Variants in DNAJC1 observed in about 807,000 individuals in gnomAD.
DNAJC1 encodes dnaJ homolog subfamily C member 1.
DNAJC1 carries 58 observed loss-of-function variants against 76.6 expected under a neutral mutation model. That is an observed-to-expected ratio of 0.76 (90% CI 0.61 to 0.94). DNAJC1 has a LOEUF of 0.94. Among genes scored for constraint, DNAJC1 ranks in the 40% least tolerant of loss-of-function variants. DNAJC1 has a pLI of 0.00. For missense variants in DNAJC1, 689 were observed against 677.3 expected (o/e 1.02, Z -0.19); for synonymous variants, 258 against 267.9 (o/e 0.96, Z 0.36).
intron 9 of DNAJC1, among the ~76,000 whole-genome samples, chr10:21,789,364 T>C (rs1182108703): frequency 6.6e-6 from 1 of 152,174 alleles, no homozygotes; most frequent in Non-Finnish European, 1.5e-5. Context: ...AAGACCCAAC[T>C]GCAGGTGAAA....
At chr10:21,840,021 T>C (rs1353244305) in intron 8 of DNAJC1, among the ~76,000 whole-genome samples, 2 of 152,200 alleles carry the variant, frequency 1.3e-5, no homozygotes, top group Non-Finnish European at 2.9e-5. Context: ...TCTCAATAGA[T>C]GCAGAAAAGG....
chr10:21,816,162 G>A (rs947138619), intron 8 of DNAJC1, among the ~76,000 whole-genome samples: 3 of 148,430 alleles, frequency 2.0e-5, no homozygotes, highest in African/African-American at 7.4e-5. Context: ...GAGGTCAGGA[G>A]TTTGAGACCA....
chr10:21,928,781 C>G (rs1330165009), intron 2 of DNAJC1, among the ~76,000 whole-genome samples: 3 of 151,940 alleles, frequency 2.0e-5, no homozygotes, highest in Non-Finnish European at 4.4e-5. Flanking sequence ...TAATACTTAT[C>G]TTAAAATGTG....
At chr10:21,867,872 G>A (rs1836031339) in intron 8 of DNAJC1, among the ~76,000 whole-genome samples, 1 of 151,800 alleles carries the variant, frequency 6.6e-6, no homozygotes, top group South Asian at 2.1e-4. Flanking sequence ...AGGAGTTTGA[G>A]ACCAGCCTGG....
intron 9 of DNAJC1, among the ~76,000 whole-genome samples, chr10:21,772,287 T>TC (rs1834391849): frequency 6.6e-6 from 1 of 150,542 alleles, no homozygotes; most frequent in African/African-American, 2.4e-5. Flanking sequence ...TTTTTTTTTT[T>TC]TTTTTTGAGA....
chr10:21,917,206 T>C (rs2131764678), intron 6 of DNAJC1, among the ~76,000 whole-genome samples: 1 of 152,186 alleles, frequency 6.6e-6, no homozygotes, highest in East Asian at 1.9e-4. Flanking sequence ...AAATTTATGA[T>C]GAGGCAAAAC....
At chr10:21,849,446 G>A (rs947820166) in intron 8 of DNAJC1, among the ~76,000 whole-genome samples, 3 of 151,046 alleles carry the variant, frequency 2.0e-5, no homozygotes, top group Non-Finnish European at 4.4e-5. Flanking sequence ...ATGAAATAGA[G>A]AACAGATAAA....
chr10:21,762,374 C>T (rs1834251820), intron 10 of DNAJC1, among the ~76,000 whole-genome samples: 1 of 152,090 alleles, frequency 6.6e-6, no homozygotes, highest in Non-Finnish European at 1.5e-5. Flanking sequence ...TTGCTTAATA[C>T]TGGATAAAAT....
At chr10:21,984,654 A>C (rs970140724) in intron 1 of DNAJC1, among the ~76,000 whole-genome samples, 14 of 152,220 alleles carry the variant, frequency 9.2e-5, no homozygotes, top group African/African-American at 3.4e-4. Context: ...TGCCATATAT[A>C]TTTAAAATCA....
chr10:21,917,680 T>C (rs1344710094), intron 6 of DNAJC1, among the ~76,000 whole-genome samples: 1 of 151,974 alleles, frequency 6.6e-6, no homozygotes, highest in Non-Finnish European at 1.5e-5. Context: ...ACTAAACAAC[T>C]TAAAAACAAA....
chr10:21,875,838 T>C (rs1250569598), intron 8 of DNAJC1, among the ~76,000 whole-genome samples: 1 of 152,050 alleles, frequency 6.6e-6, no homozygotes, highest in East Asian at 1.9e-4. Flanking sequence ...GGCAGGAGAA[T>C]CACTTGAACC....
At chr10:21,771,834 T>C (rs1834381714) in intron 9 of DNAJC1, among the ~76,000 whole-genome samples, 1 of 152,206 alleles carries the variant, frequency 6.6e-6, no homozygotes, top group Non-Finnish European at 1.5e-5. Context: ...TGATACTGCT[T>C]TTTATTCTAT....
intron 8 of DNAJC1, among the ~76,000 whole-genome samples, chr10:21,806,642 G>GT (rs1834887172): frequency 6.6e-6 from 1 of 151,764 alleles, no homozygotes; most frequent in African/African-American, 2.4e-5. Context: ...ATCATTCTAT[G>GT]TAACGATATT....
At chr10:22,000,773 C>T (rs1395981629) in intron 1 of DNAJC1, among the ~76,000 whole-genome samples, 1 of 152,194 alleles carries the variant, frequency 6.6e-6, no homozygotes, top group Non-Finnish European at 1.5e-5. Context: ...GCTGCCCTGC[C>T]CGTACCACCA....
intron 6 of DNAJC1, among the ~76,000 whole-genome samples, chr10:21,908,406 T>C (rs1428695519): frequency 6.8e-6 from 1 of 147,302 alleles, no homozygotes; most frequent in Non-Finnish European, 1.5e-5. Context: ...GGCTATTCTG[T>C]AAGGTATGCT....
At chr10:21,919,672 G>C (rs1270004270) in intron 5 of DNAJC1, among the ~76,000 whole-genome samples, 160 bp downstream of exon 5, 2 of 151,900 alleles carry the variant, frequency 1.3e-5, no homozygotes, top group African/African-American at 4.8e-5. Context: ...CTTAAGATTA[G>C]AACTTGTCTC....
At chr10:21,870,186 G>C (rs1043412089) in intron 8 of DNAJC1, among the ~76,000 whole-genome samples, 10 of 151,486 alleles carry the variant, frequency 6.6e-5, no homozygotes, top group African/African-American at 2.4e-4. Flanking sequence ...ACAAAACAAA[G>C]GTGAAAAATC....
Position 21,925,566 on chromosome 10 carries a change from G to C in DNAJC1, c.371+2940C>G, listed in dbSNP as rs1033586506. 2.6e-5 allele frequency among the ~76,000 whole-genome samples: 4 copies of C among 152,198 alleles called. No individual in the cohort carries two copies. In the East Asian group the frequency reaches 5.8e-4, roughly 22 times the overall value. Reference sequence around the variant, plus strand: ...TCCATCAACTGGTGAATAGATAAACGTAAGTGGTATATCCATACAATGGAA... The same window carrying C: ...TCCATCAACTGGTGAATAGATAAACCTAAGTGGTATATCCATACAATGGAA... On this transcript the variant is annotated intron_variant, in intron 3 of 11. Transcript: ENST00000376980.
At chr10:21,879,493 G>A (rs763004343) in intron 8 of DNAJC1, among the ~76,000 whole-genome samples, 2 of 151,946 alleles carry the variant, frequency 1.3e-5, no homozygotes, top group Admixed American at 6.6e-5. Context: ...GCGTGATTGC[G>A]CTTGCCTGTA....
Sources: gnomAD v4.1 joint callset for allele counts (sites outside exome capture counted in the v4.1 genomes callset) on GRCh38, gnomAD v4.1.1 for gene constraint, MANE v1.5 for transcripts, NCBI Gene and HGNC (gene_info 2026-07-23, HGNC 2026-07-21) for gene names.